The following COMMD1 variants were observed in gnomAD, a reference collection of about 807,000 sequenced individuals.
COMMD1 encodes the protein COMM domain-containing protein 1.
Under a neutral mutation model 17.2 loss-of-function variants are expected in COMMD1, and 10 were observed. That is an observed-to-expected ratio of 0.58 (90% CI 0.36 to 0.99). The LOEUF (loss-of-function observed/expected upper bound fraction) is 0.99. Ranked by LOEUF, COMMD1 falls within the 50% of genes least tolerant of loss-of-function variation. COMMD1 has a pLI of 0.01. For synonymous variants in COMMD1, 97 were observed against 91.6 expected, an observed-to-expected ratio of 1.06 and a Z score of -0.34; for missense variants, 270 against 231.8, an observed-to-expected ratio of 1.17 and a Z score of -1.07.
At chr2:62,115,914 A>G (rs890589954) in intron 2 of COMMD1, among the ~76,000 whole-genome samples, 1 of 130,382 alleles carries the variant, frequency 7.7e-6, no homozygotes, top group African/African-American at 3.0e-5. Flanking sequence ...ACAGGAGTGC[A>G]TGATCTTGGC....
upstream of COMMD1, chr2:61,888,640 AG>A: frequency 9.3e-7 from 1 of 1,074,874 alleles, no homozygotes; most frequent in South Asian, 1.7e-5. Context: ...CGTCGGGAGG[AG>A]GCGGAGGCGG....
chr2:61,924,718 G>A (rs1670283540), intron 1 of COMMD1, among the ~76,000 whole-genome samples: 1 of 152,220 alleles, frequency 6.6e-6, no homozygotes, highest in Non-Finnish European at 1.5e-5. Flanking sequence ...GGGAGCCATT[G>A]TCCAGTTGGT....
intron 2 of COMMD1, among the ~76,000 whole-genome samples, chr2:62,085,601 G>A (rs1334099448): frequency 6.6e-6 from 1 of 152,164 alleles, no homozygotes; most frequent in Non-Finnish European, 1.5e-5. Flanking sequence ...ACTTTGGGAG[G>A]CCAAGGTGAG....
intron 1 of COMMD1, among the ~76,000 whole-genome samples, chr2:61,921,566 C>G (rs1670198102): frequency 6.6e-6 from 1 of 152,154 alleles, no homozygotes; most frequent in Non-Finnish European, 1.5e-5. Context: ...GCCTCAGCCT[C>G]CCGAGTAGCT....
chr2:61,901,796 C>A (rs1200510421), upstream of COMMD1, among the ~76,000 whole-genome samples: 1 of 152,064 alleles, frequency 6.6e-6, no homozygotes, highest in Non-Finnish European at 1.5e-5. Flanking sequence ...GGTGAATAAA[C>A]TTCCAGACTT....
At chr2:61,944,571 T>G (rs975897225) in intron 1 of COMMD1, among the ~76,000 whole-genome samples, 19 of 152,172 alleles carry the variant, frequency 1.2e-4, no homozygotes, top group African/African-American at 4.3e-4. Flanking sequence ...TCCTGTAAAC[T>G]GTCCTCAGCC....
At chr2:61,901,814 G>A (rs1033470178), upstream of COMMD1, among the ~76,000 whole-genome samples, 5 of 152,092 alleles carry the variant, frequency 3.3e-5, no homozygotes, top group South Asian at 2.1e-4. Context: ...CTTTTTCTAC[G>A]TAGGTTGATA....
At chr2:62,008,391 T>C (rs1293597188) in intron 2 of COMMD1, among the ~76,000 whole-genome samples, 1 of 151,656 alleles carries the variant, frequency 6.6e-6, no homozygotes, top group Non-Finnish European at 1.5e-5. Flanking sequence ...CACACACACA[T>C]ATATATTTGT....
chr2:61,938,767 G>A (rs1285316367), intron 1 of COMMD1, among the ~76,000 whole-genome samples: 2 of 152,162 alleles, frequency 1.3e-5, no homozygotes, highest in Non-Finnish European at 2.9e-5. Flanking sequence ...AATGAGAGAG[G>A]TTGGCATCTC....
intron 2 of COMMD1, among the ~76,000 whole-genome samples, chr2:62,034,165 T>G (rs1468622106): frequency 1.4e-5 from 2 of 146,310 alleles, no homozygotes; most frequent in Non-Finnish European, 3.0e-5. Context: ...GGGGTGGAAA[T>G]GTTAGGTAGG....
At chr2:61,957,090 G>A (rs1671218917) in intron 1 of COMMD1, among the ~76,000 whole-genome samples, 1 of 124,170 alleles carries the variant, frequency 8.1e-6, no homozygotes, top group African/African-American at 4.3e-5. Context: ...ATGGATGCGT[G>A]TGTGTGTGTG....
At position 62,025,870 on chromosome 2, in the gene COMMD1, T is replaced by C. The variant is rs566572906; in HGVS notation, c.462+24888T>C. Reference sequence around the variant, plus strand: ...TGCCCGGCTAATTTTTTTTTTATAGTTTTGATAGAGGTGGGGTTTCGCCAT... The same window carrying C: ...TGCCCGGCTAATTTTTTTTTTATAGCTTTGATAGAGGTGGGGTTTCGCCAT... On this transcript the variant is annotated intron_variant, in intron 2 of 2. Transcript: ENST00000311832. Among the ~76,000 whole-genome samples the C allele has an allele frequency of 1.8e-3, 268 of 151,956 alleles. 2 individuals carry two copies. The highest frequency in any genetic ancestry group is 5.3e-3 in the African/African-American group (219 of 41,452).
intron 2 of COMMD1, among the ~76,000 whole-genome samples, chr2:62,051,536 A>G (rs1237442338): frequency 3.3e-5 from 5 of 152,084 alleles, no homozygotes; most frequent in Non-Finnish European, 7.4e-5. Context: ...TTCTGATACT[A>G]CTCTTTCAAG....
chr2:62,066,187 C>A (rs764889777), intron 2 of COMMD1, among the ~76,000 whole-genome samples: 3 of 152,142 alleles, frequency 2.0e-5, no homozygotes, highest in Admixed American at 1.3e-4. Context: ...CATTTCTAAT[C>A]TTACCGTTAT....
chr2:62,054,167 A>G (rs1296641721), intron 2 of COMMD1, among the ~76,000 whole-genome samples: 2 of 152,256 alleles, frequency 1.3e-5, no homozygotes, highest in African/African-American at 4.8e-5. Flanking sequence ...ATCTTACCCC[A>G]GTCAGAGTGC....
chr2:61,935,092 T>A (rs1311545470), intron 1 of COMMD1, among the ~76,000 whole-genome samples: 1 of 152,224 alleles, frequency 6.6e-6, no homozygotes, highest in Non-Finnish European at 1.5e-5. Context: ...GTCATCCAGC[T>A]TCAGCTTGTA....
chr2:61,965,116 A>G (rs1312782835), intron 1 of COMMD1, among the ~76,000 whole-genome samples: 1 of 152,038 alleles, frequency 6.6e-6, no homozygotes. Flanking sequence ...GTTTTTAGCT[A>G]GTTGACTTTA....
Position 62,052,898 on chromosome 2 carries a change from G to A in COMMD1, c.462+51916G>A, listed in dbSNP as rs1053186133. On this transcript the variant is annotated intron_variant, in intron 2 of 2. Transcript: ENST00000311832. ...AGCCTGGGCAACATGACAAAACTCC[G>A]TCTCTACCAAAAGTACAAAAGTTAA... Among the ~76,000 whole-genome samples, 6 of 152,160 alleles carry A rather than the reference G, an allele frequency of 3.9e-5. No individual in the cohort carries two copies. In the South Asian group the frequency reaches 6.2e-4, roughly 16 times the overall value.
intron 1 of COMMD1, among the ~76,000 whole-genome samples, chr2:61,997,980 C>CT (rs1374645043): frequency 2.0e-5 from 3 of 152,238 alleles, no homozygotes; most frequent in African/African-American, 7.2e-5. Context: ...GGATAACTTG[C>CT]TGCAGCTCAT....
Sources: gnomAD v4.1 joint callset for allele counts (sites outside exome capture counted in the v4.1 genomes callset) on GRCh38, gnomAD v4.1.1 for gene constraint, MANE v1.5 for transcripts, NCBI Gene and HGNC (gene_info 2026-07-23, HGNC 2026-07-21) for gene names.